KIAA0319L: variants seen among roughly 807,000 people sequenced by gnomAD.
KIAA0319L encodes KIAA0319 like, also known as dyslexia-associated protein KIAA0319-like protein.
KIAA0319L carries 55 observed loss-of-function variants against 120.1 expected under a neutral mutation model. That is an observed-to-expected ratio of 0.46 (90% CI 0.37 to 0.57). The LOEUF is 0.57. KIAA0319L is among the 20% of genes least tolerant of loss of function. The pLI, the probability that KIAA0319L is intolerant of heterozygous loss-of-function variation, is 0.00. For missense variants in KIAA0319L, 1,049 were observed against 1,255.3 expected, an observed-to-expected ratio of 0.84 and a Z score of 2.48; for synonymous variants, 398 against 471.9, an observed-to-expected ratio of 0.84 and a Z score of 2.03.
In KIAA0319L at chr1:35,544,963, C is replaced by T. The variant is rs182322099; in HGVS notation, c.142+9387G>A. On this transcript the variant is annotated intron_variant, in intron 2 of 20. Coordinates refer to ENST00000325722, the MANE Select transcript of KIAA0319L (RefSeq NM_024874.5). Reference sequence around the variant, plus strand: ...ATTTCCCAACCATGACATAGGAAGCCGGAACCCAAACAGAACACATGGGTC... The same window carrying T: ...ATTTCCCAACCATGACATAGGAAGCTGGAACCCAAACAGAACACATGGGTC... 1.3e-3 allele frequency among the ~76,000 whole-genome samples: 198 copies of T among 152,230 alleles called. 1 individual carries two copies. The highest frequency in any genetic ancestry group is 4.1e-3 in the African/African-American group (171 of 41,536).
At position 35,448,153 on chromosome 1, in the gene KIAA0319L, C is replaced by T; in HGVS notation, c.2513+20G>A. On this transcript the variant is annotated intron_variant, in intron 16 of 20. Coordinates refer to ENST00000325722, the MANE Select transcript of KIAA0319L (RefSeq NM_024874.5). Reference sequence around the variant, plus strand: ...GGCCCCTGGTCTTTCCTTTGCTCCCCCCATTCATTGCCCAGCTACCTCTGC... The same window carrying T: ...GGCCCCTGGTCTTTCCTTTGCTCCCTCCATTCATTGCCCAGCTACCTCTGC... 4 of 1,564,752 alleles carry T rather than the reference C, an allele frequency of 2.6e-6. No homozygotes were observed. In the South Asian group the frequency reaches 4.7e-5, roughly 18 times the overall value.
intron 2 of KIAA0319L, among the ~76,000 whole-genome samples, chr1:35,522,733 A>C (rs1441258435): frequency 6.6e-6 from 1 of 151,442 alleles, no homozygotes; most frequent in Non-Finnish European, 1.5e-5. Context: ...AAGATCTTGT[A>C]TGGGCCGGGC....
Position 35,506,774 on chromosome 1 carries a change from A to T in KIAA0319L, c.504T>A (p.Ala168=), listed in dbSNP as rs960526423. 18 of 1,614,096 alleles carry T rather than the reference A, an allele frequency of 1.1e-5. No individual in the cohort carries two copies. The highest frequency in any genetic ancestry group is 1.5e-5 in the Non-Finnish European group (18 of 1,180,042). ...WASWRQSPPR[A]ALRPAVSSSD... Reference sequence around the variant, plus strand: ...TGGAAGATACAGCAGGTCTGAGTGCAGCTCTGGGTGGGCTCTGCCTCCAAG... The same window carrying T: ...TGGAAGATACAGCAGGTCTGAGTGCTGCTCTGGGTGGGCTCTGCCTCCAAG... The change falls in exon 3 of 21, where the codon GCT becomes GCA. Residue 168 remains alanine, a synonymous_variant. Transcript: ENST00000325722. The surrounding 1 kb of genome is among the most constrained non-coding windows in gnomAD (Gnocchi z 4.0).
chr1:35,522,917 G>A (rs1223331582), intron 2 of KIAA0319L, among the ~76,000 whole-genome samples: 1 of 151,168 alleles, frequency 6.6e-6, no homozygotes, highest in Admixed American at 6.6e-5. Flanking sequence ...TACTCGGGAG[G>A]CTGAGGCAGG....
chr1:35,504,985 A>G lies in KIAA0319L; in HGVS notation c.666+1627T>C, dbSNP rs78933759. 6.6e-5 allele frequency among the ~76,000 whole-genome samples: 10 copies of G among 152,256 alleles called. No individual in the cohort carries two copies. In the East Asian group the frequency reaches 1.5e-3, roughly 23 times the overall value. On this transcript the variant is annotated intron_variant, in intron 3 of 20. Transcript: ENST00000325722. ...GAAATTGTTATTTCCTCTGCCTGAA[A>G]TACTCTTTTTCCCTGTTTCTTTTCC...
At chr1:35,553,399 CT>C (rs2148521025) in intron 2 of KIAA0319L, among the ~76,000 whole-genome samples, 1 of 150,346 alleles carries the variant, frequency 6.7e-6, no homozygotes, top group Admixed American at 6.6e-5. Flanking sequence ...TCAAGTACAA[CT>C]TCCACTGCTA....
Position 35,453,005 on chromosome 1 carries a change from G to GA in KIAA0319L, c.1913+551dup, listed in dbSNP as rs1324486584. On this transcript the variant is annotated intron_variant, in intron 12 of 20. Transcript: ENST00000325722. The surrounding 1 kb of genome is among the most constrained non-coding windows in gnomAD (Gnocchi z 4.1). ...TAGTTATGCTTTAAAGGAGCTAAAA[G>GA]AAACTACAGGAACTAAGAATGGTTC... 6.6e-6 allele frequency among the ~76,000 whole-genome samples: 1 copy of GA among 152,200 alleles called. No individual in the cohort carries two copies. Among genetic ancestry groups the GA allele is most frequent in the East Asian group, 1.9e-4 (1 of 5,204 alleles).
chr1:35,442,194 A>C, intron 19 of KIAA0319L, 52 bp downstream of exon 19: 1 of 1,359,420 alleles, frequency 7.4e-7, no homozygotes, highest in Non-Finnish European at 1.1e-6. Flanking sequence ...TCTCTGAGGA[A>C]CGAATGTATG....
intron 2 of KIAA0319L, among the ~76,000 whole-genome samples, chr1:35,511,706 C>A (rs540137780): frequency 2.6e-5 from 4 of 152,216 alleles, no homozygotes; most frequent in African/African-American, 9.6e-5. Flanking sequence ...ATCTAGAAGC[C>A]TTCTCATTTG....
chr1:35,475,027 CTT>C (rs1482467513), intron 4 of KIAA0319L, 121 bp from the exon 5 acceptor site: 1 of 603,282 alleles, frequency 1.7e-6, no homozygotes, highest in Non-Finnish European at 2.9e-6. Context: ...CAATTACTAA[CTT>C]TTTTCTACTC....
chr1:35,499,814 AAAC>A (rs935343820), intron 3 of KIAA0319L, among the ~76,000 whole-genome samples: 15 of 151,894 alleles, frequency 9.9e-5, no homozygotes, highest in Admixed American at 6.6e-4. Context: ...AACAAACCCA[AAAC>A]AACAACAACA....
chr1:35,502,733 T>C (rs1048569361), intron 3 of KIAA0319L, among the ~76,000 whole-genome samples: 1 of 152,200 alleles, frequency 6.6e-6, no homozygotes, highest in Non-Finnish European at 1.5e-5. Context: ...CTTCCCATCA[T>C]GGTAACCACT....
chr1:35,456,973 C>T (rs1006341484), intron 9 of KIAA0319L, among the ~76,000 whole-genome samples: 31 of 145,468 alleles, frequency 2.1e-4, no homozygotes, highest in African/African-American at 8.3e-4. Flanking sequence ...GCAAGCTTGC[C>T]CAAGGTCATA....
Position 35,543,943 on chromosome 1 carries a change from A to C in KIAA0319L, c.142+10407T>G, listed in dbSNP as rs528097628. ...TAAGGATGACTGGAGAACATGGCTG[A>C]GATGTGTAATCACAAATGGCCTTTC... is the stretch of plus-strand genomic sequence containing the variant. On this transcript the variant is annotated intron_variant, in intron 2 of 20. Transcript: ENST00000325722. 2.0e-5 allele frequency among the ~76,000 whole-genome samples: 3 copies of C among 152,342 alleles called. No homozygotes were observed. In the East Asian group the frequency reaches 5.8e-4, roughly 29 times the overall value.
At chr1:35,532,373 C>G (rs528792759) in intron 2 of KIAA0319L, among the ~76,000 whole-genome samples, 1 of 151,898 alleles carries the variant, frequency 6.6e-6, no homozygotes, top group South Asian at 2.1e-4. Context: ...AATAAAAATA[C>G]GAAAAGAAAA....
At chr1:35,516,022 A>G (rs1383016863) in intron 2 of KIAA0319L, among the ~76,000 whole-genome samples, 1 of 152,224 alleles carries the variant, frequency 6.6e-6, no homozygotes, top group Non-Finnish European at 1.5e-5. Context: ...TTCCCTGAAC[A>G]GACCAATAAT....
chr1:35,482,026 G>A (rs535204893), intron 3 of KIAA0319L, among the ~76,000 whole-genome samples: 25 of 151,890 alleles, frequency 1.6e-4, no homozygotes, highest in Non-Finnish European at 3.4e-4. Context: ...GGGTTTCACC[G>A]TGTTAGCCAG....
intron 4 of KIAA0319L, among the ~76,000 whole-genome samples, chr1:35,475,852 A>G (rs1278262617): frequency 6.6e-6 from 1 of 152,206 alleles, no homozygotes; most frequent in Non-Finnish European, 1.5e-5. Flanking sequence ...TCACTGTCTT[A>G]TCCTTCCTAT....
chr1:35,444,510 A>T (rs1158893238), intron 16 of KIAA0319L, among the ~76,000 whole-genome samples: 3 of 152,200 alleles, frequency 2.0e-5, no homozygotes, highest in Non-Finnish European at 2.9e-5. Context: ...GGGGTTAAGT[A>T]ACTTGCCCAA....
Sources: gnomAD v4.1 joint callset for allele counts (sites outside exome capture counted in the v4.1 genomes callset) on GRCh38, gnomAD v4.1.1 for gene constraint, Gnocchi (gnomAD v3.1) non-coding constraint, MANE v1.5 for transcripts, NCBI Gene and HGNC (gene_info 2026-07-23, HGNC 2026-07-21) for gene names.